Variants in GRIK4 observed in about 807,000 individuals in gnomAD.
GRIK4 encodes glutamate ionotropic receptor kainate type subunit 4, also known as glutamate receptor ionotropic, kainate 4.
Under a neutral mutation model 104.9 loss-of-function variants are expected in GRIK4, and 40 were observed. The observed-to-expected ratio is 0.38, with a 90% confidence interval of 0.30 to 0.50. The LOEUF (loss-of-function observed/expected upper bound fraction) is 0.50, where lower values mean the gene tolerates loss of function less well. GRIK4 is among the 20% of genes least tolerant of loss of function. GRIK4 has a pLI of 0.93. For missense variants in GRIK4, 1,047 were observed against 1,308.1 expected, an observed-to-expected ratio of 0.80 and a Z score of 3.08; for synonymous variants, 485 against 524.9, an observed-to-expected ratio of 0.92 and a Z score of 1.04.
At chr11:120,907,769 G>A (rs1161673277) in intron 13 of GRIK4, among the ~76,000 whole-genome samples, 1 of 151,954 alleles carries the variant, frequency 6.6e-6, no homozygotes, top group Non-Finnish European at 1.5e-5. Context: ...GCGCACAATG[G>A]GGCTGTAGGG....
chr11:120,711,852 C>T (rs574268549), intron 3 of GRIK4, among the ~76,000 whole-genome samples: 1 of 152,306 alleles, frequency 6.6e-6, no homozygotes, highest in Non-Finnish European at 1.5e-5. Flanking sequence ...CCAGAGGAGA[C>T]AGGAGGTGGG....
chr11:120,590,911 A>G (rs1389267038), intron 1 of GRIK4, among the ~76,000 whole-genome samples: 3 of 152,072 alleles, frequency 2.0e-5, no homozygotes, highest in African/African-American at 4.8e-5. Flanking sequence ...GACTTAACGA[A>G]TCCCCGGCTT....
chr11:120,785,068 C>T (rs552840451), intron 3 of GRIK4, among the ~76,000 whole-genome samples: 4 of 152,308 alleles, frequency 2.6e-5, no homozygotes, highest in East Asian at 3.9e-4. Context: ...CCATCACTCC[C>T]GTCCCTTCTG....
At chr11:120,950,206 C>T (rs372011595) in intron 14 of GRIK4, among the ~76,000 whole-genome samples, 2 of 152,318 alleles carry the variant, frequency 1.3e-5, no homozygotes, top group East Asian at 3.9e-4. Context: ...CCTTGCTCTT[C>T]TGGTTGGCGT....
chr11:120,752,118 C>T (rs745674940), intron 3 of GRIK4, among the ~76,000 whole-genome samples: 5 of 152,318 alleles, frequency 3.3e-5, no homozygotes, highest in Admixed American at 1.3e-4. Context: ...CCTCCCACAA[C>T]CTGTGAAGAA....
chr11:120,737,066 A>T (rs1454560374), intron 3 of GRIK4, among the ~76,000 whole-genome samples: 1 of 152,152 alleles, frequency 6.6e-6, no homozygotes, highest in East Asian at 1.9e-4. Flanking sequence ...ATGGATTGGA[A>T]CCGATGTTTA....
chr11:120,920,938 G>A (rs1299354674), intron 13 of GRIK4, among the ~76,000 whole-genome samples: 2 of 152,144 alleles, frequency 1.3e-5, no homozygotes, highest in African/African-American at 4.8e-5. Flanking sequence ...CACACTCACT[G>A]GCCTCCTCTT....
rs778159538 is a variant in GRIK4 at position 120,956,988 on chromosome 11, G to C, written c.1874+35G>C. The C allele has an allele frequency of 1.0e-5, 16 of 1,540,146 alleles. No individual in the cohort carries two copies. In the East Asian group the frequency reaches 2.6e-4, roughly 25 times the overall value. On this transcript the variant is annotated intron_variant, in intron 16 of 20. Transcript: ENST00000527524. The surrounding 1 kb of genome is among the most constrained non-coding windows in gnomAD (Gnocchi z 4.6). ...CAGGCAGAGGTGAACCAGGCCAGGTGGGGTGGGGACACAAAAGGGGCCCTC... is the reference window on the plus strand; with the variant it reads ...CAGGCAGAGGTGAACCAGGCCAGGTCGGGTGGGGACACAAAAGGGGCCCTC...
At chr11:120,871,170 T>C (rs1954599504) in intron 9 of GRIK4, 1 of 161,180 alleles carries the variant, frequency 6.2e-6, no homozygotes, top group Admixed American at 6.0e-5. Context: ...TATAGCATCA[T>C]TTAAATAGCC....
intron 3 of GRIK4, among the ~76,000 whole-genome samples, chr11:120,795,656 G>A (rs200547529): frequency 3.3e-5 from 5 of 152,354 alleles, no homozygotes; most frequent in African/African-American, 1.2e-4. Context: ...AAAGTGGCTT[G>A]TGTCTAATGA....
intron 8 of GRIK4, among the ~76,000 whole-genome samples, chr11:120,838,049 C>T (rs1429599438): frequency 6.6e-6 from 1 of 152,202 alleles, no homozygotes; most frequent in Non-Finnish European, 1.5e-5. Flanking sequence ...GTTCCCAGGA[C>T]AGTCACCGGA....
intron 8 of GRIK4, among the ~76,000 whole-genome samples, chr11:120,846,822 C>A (rs1311076115): frequency 6.6e-6 from 1 of 152,136 alleles, no homozygotes; most frequent in Non-Finnish European, 1.5e-5. Context: ...AATGAACAAC[C>A]AGATGAATTC....
chr11:120,905,360 G>C lies in GRIK4; in HGVS notation c.1343G>C (p.Cys448Ser), dbSNP rs1336283057. 1 of 1,614,102 alleles carries C rather than the reference G, an allele frequency of 6.2e-7. No homozygotes were observed. Among genetic ancestry groups the C allele is most frequent in the East Asian group, 2.2e-5 (1 of 44,888 alleles). ...MEGNDRYEGF[C>S]VDMLKELAEI... ...GGCAATGACCGCTACGAGGGCTTCT[G>C]TGTGGACATGCTCAAGGAGCTGGCA... Residue 448 changes from cysteine to serine, a missense_variant, in exon 13 of 21, where the codon TGT becomes TCT. Around this residue, in one of 3 missense-constraint regions of GRIK4, gnomAD observed 440 missense variants for 652.3 expected, o/e 0.67. Transcript: ENST00000527524. The surrounding 1 kb of genome is among the most constrained non-coding windows in gnomAD (Gnocchi z 5.1).
At chr11:120,881,125 G>T (rs1286053254) in intron 11 of GRIK4, among the ~76,000 whole-genome samples, 1 of 152,178 alleles carries the variant, frequency 6.6e-6, no homozygotes, top group Non-Finnish European at 1.5e-5. Context: ...ACAAGGCCCA[G>T]ATTGAACACC....
chr11:120,912,645 A>C (rs1187629913), intron 13 of GRIK4, among the ~76,000 whole-genome samples: 3 of 152,238 alleles, frequency 2.0e-5, no homozygotes, highest in Non-Finnish European at 4.4e-5. Context: ...TGGAGACAGC[A>C]GCCAGGGAAT....
At chr11:120,832,708 C>A (rs1222116303) in intron 7 of GRIK4, among the ~76,000 whole-genome samples, 1 of 152,154 alleles carries the variant, frequency 6.6e-6, no homozygotes, top group Non-Finnish European at 1.5e-5. Flanking sequence ...GCAGTGCCAG[C>A]CCCTGAGTCA....
chr11:120,518,953 C>A (rs118106655), intron 1 of GRIK4, among the ~76,000 whole-genome samples: 1,674 of 152,294 alleles, frequency 0.011, 47 homozygotes, highest in East Asian at 0.063. Flanking sequence ...GTGGCCCTGC[C>A]TGCAGGAGCG....
At chr11:120,855,829 C>T (rs1472587126) in intron 8 of GRIK4, among the ~76,000 whole-genome samples, 1 of 152,240 alleles carries the variant, frequency 6.6e-6, no homozygotes, top group Non-Finnish European at 1.5e-5. Context: ...TCGCAAAATG[C>T]TGGGATTATA....
chr11:120,610,703 C>G (rs1434368492), intron 1 of GRIK4, among the ~76,000 whole-genome samples: 1 of 152,114 alleles, frequency 6.6e-6, no homozygotes, highest in Non-Finnish European at 1.5e-5. Context: ...TTCAAAGGAA[C>G]GACAGGATAG....
Sources: allele counts gnomAD v4.1 joint callset (sites outside exome capture counted in the v4.1 genomes callset), GRCh38; gene constraint gnomAD v4.1.1; regional missense constraint gnomAD v4.1.1; non-coding constraint Gnocchi (gnomAD v3.1); transcripts MANE v1.5; gene names NCBI Gene and HGNC (gene_info 2026-07-23, HGNC 2026-07-21).